The following PCDH11X variants were observed in gnomAD, a reference collection of about 807,000 sequenced individuals.
PCDH11X encodes the protein protocadherin-11 X-linked.
A neutral mutation model predicts 53.3 loss-of-function variants in PCDH11X; 18 were observed. That is an observed-to-expected ratio of 0.34 (90% CI 0.23 to 0.50). The LOEUF is 0.50. PCDH11X is among the 20% of genes least tolerant of loss of function. The pLI is 0.98. For synonymous variants in PCDH11X, 279 were observed against 393.3 expected (o/e 0.71, Z 3.44); for missense variants, 570 against 1,032.4 (o/e 0.55, Z 6.14).
chrX:92,550,939 T>G (rs5942298), intron 10 of PCDH11X, among the ~76,000 whole-genome samples: 43,677 of 108,609 alleles, frequency 0.4, 6,707 homozygotes, highest in Non-Finnish European at 0.47. Flanking sequence ...TATGGCTAAA[T>G]AGTACTCCAT....
chrX:91,818,368 G>T (rs1444483527), intron 4 of PCDH11X, among the ~76,000 whole-genome samples: 4 of 102,813 alleles, frequency 3.9e-5, no homozygotes, highest in African/African-American at 1.3e-4. Flanking sequence ...AATGCATGAA[G>T]AATTTTTTTT....
rs776806402 is a variant in PCDH11X, at chrX:92,557,999, AT to A, written c.3368-60264del. Among the ~76,000 whole-genome samples, 4 of 111,007 alleles carry A rather than the reference AT, an allele frequency of 3.6e-5. No individual in the cohort carries two copies. In the South Asian group the frequency reaches 1.5e-3, roughly 43 times the overall value. ...CTGAGCAAAGGGGGAAAAGCCCTTT[AT>A]AATACCATCAGATCTTGTGAGAACT... On this transcript the variant is annotated intron_variant, in intron 10 of 10. Transcript: ENST00000682573.
At chrX:92,379,216 G>A (rs1949905448) in intron 8 of PCDH11X, among the ~76,000 whole-genome samples, 1 of 113,046 alleles carries the variant, frequency 8.8e-6, no homozygotes, top group African/African-American at 3.2e-5. Context: ...GGGGACCCAG[G>A]AAGCCCTCCT....
At position 92,249,892 on chromosome X, in the gene PCDH11X, G is replaced by A. The variant is rs754765560; in HGVS notation, c.3115-13222G>A. On this transcript the variant is annotated intron_variant, in intron 7 of 10. Transcript: ENST00000682573. ...CTCCTAATTTCCTTAGTCCTTGTCC[G>A]GTAACTGCAATATCATCGTCCCATG... 1.3e-4 allele frequency among the ~76,000 whole-genome samples: 15 copies of A among 111,271 alleles called. No homozygotes were observed. In the South Asian group the frequency reaches 5.6e-3, roughly 42 times the overall value.
At chrX:91,866,044 G>A (rs2147700986) in intron 5 of PCDH11X, among the ~76,000 whole-genome samples, 1 of 109,830 alleles carries the variant, frequency 9.1e-6, no homozygotes, top group South Asian at 4.0e-4. Context: ...TGTCATCTGG[G>A]AGCTAGGGCC....
chrX:91,908,798 CTG>C (rs772594660), intron 6 of PCDH11X, among the ~76,000 whole-genome samples: 67 of 74,877 alleles, frequency 8.9e-4, no homozygotes, highest in African/African-American at 3.0e-3. Flanking sequence ...GAGTGAGACT[CTG>C]TCTCAAAAAA....
rs769171909 is a variant in PCDH11X at position 92,295,721 on chromosome X, G to T, written c.3144+32578G>T. ...AATATTATCCCCATAAAAGCATGCT[G>T]GATTTTGACAGGTGTGTTTGTGTGT... is the stretch of plus-strand genomic sequence containing the variant. On this transcript the variant is annotated intron_variant, in intron 8 of 10. Coordinates refer to ENST00000682573, the MANE Select transcript of PCDH11X (RefSeq NM_032968.5). Among the ~76,000 whole-genome samples, 71 of 82,652 alleles carry T rather than the reference G, an allele frequency of 8.6e-4. No homozygotes were observed. In the South Asian group the frequency reaches 9.3e-3, roughly 11 times the overall value. The allele number at this position is 82,652 out of a possible 115,157, so 71.8% of individuals were successfully genotyped here. A position where few individuals can be genotyped will look rare whatever the true frequency, so the allele number is the denominator to read the frequency against.
chrX:91,840,391 C>T (rs983156452), intron 5 of PCDH11X, among the ~76,000 whole-genome samples: 1 of 111,323 alleles, frequency 9.0e-6, no homozygotes, highest in Non-Finnish European at 1.9e-5. Flanking sequence ...TGATCCTACT[C>T]AAGGCCTTCC....
chrX:91,997,770 AAG>A (rs1445214780), intron 6 of PCDH11X, among the ~76,000 whole-genome samples: 1 of 111,214 alleles, frequency 9.0e-6, no homozygotes, highest in Non-Finnish European at 1.9e-5. Flanking sequence ...CAGTTTTTAA[AAG>A]AGTTTGTGAG....
At position 92,499,636 on chromosome X, in the gene PCDH11X, C is replaced by CA. The variant is rs57761605; in HGVS notation, c.3367+31359dup. On this transcript the variant is annotated intron_variant, in intron 10 of 10. Transcript: ENST00000682573. ...GCATCATAGTAAAACCCTGTCTCTA[C>CA]AAAAAAAAAAAAAAAAAAAAAAAAA... Among the ~76,000 whole-genome samples, 8 of 17,277 alleles carry CA rather than the reference C, an allele frequency of 4.6e-4. 2 individuals are homozygous for CA. The highest frequency in any genetic ancestry group is 4.6e-4 in the Non-Finnish European group (5 of 10,833). 15.0% of individuals were successfully genotyped at this position (17,277 alleles called of 115,157 possible).
Position 91,997,384 on chromosome X carries a change from C to T in PCDH11X, c.3033+118111C>T, listed in dbSNP as rs928172834. Among the ~76,000 whole-genome samples the T allele has an allele frequency of 1.4e-4, 16 of 110,897 alleles. 1 individual carries two copies. In the Admixed American group the frequency reaches 1.5e-3, roughly 11 times the overall value. On this transcript the variant is annotated intron_variant, in intron 6 of 10. Coordinates refer to ENST00000682573, the MANE Select transcript of PCDH11X (RefSeq NM_032968.5). The stretch of plus-strand genomic sequence containing the variant: ...AAGATTCTTATTATGTTATGTTGAG[C>T]TATGTTCCTTCTATATCTAATTTAT...
At chrX:91,972,715 C>A (rs770294230) in intron 6 of PCDH11X, among the ~76,000 whole-genome samples, 2,342 of 108,004 alleles carry the variant, frequency 0.022, 60 homozygotes, top group African/African-American at 0.074. Context: ...AATCCTTTCC[C>A]CATTGCTTGT....
chrX:91,936,035 G>C (rs1300794018), intron 6 of PCDH11X, among the ~76,000 whole-genome samples: 1 of 104,601 alleles, frequency 9.6e-6, no homozygotes, highest in Non-Finnish European at 2.0e-5. Flanking sequence ...TGTTGGCAGG[G>C]TATAATGAAG....
At chrX:92,542,725 T>C (rs2074778702) in intron 10 of PCDH11X, among the ~76,000 whole-genome samples, 1 of 111,479 alleles carries the variant, frequency 9.0e-6, no homozygotes, top group African/African-American at 3.2e-5. Context: ...AATTTTTACC[T>C]TTAAAAAAGA....
intron 6 of PCDH11X, among the ~76,000 whole-genome samples, chrX:91,955,493 ACTT>A (rs2061696159): frequency 9.1e-6 from 1 of 110,073 alleles, no homozygotes; most frequent in African/African-American, 3.3e-5. Flanking sequence ...GTTTCAAAGA[ACTT>A]CTTGATTTCT....
intron 10 of PCDH11X, among the ~76,000 whole-genome samples, chrX:92,495,526 G>A (rs1303808874): frequency 5.5e-5 from 6 of 109,578 alleles, no homozygotes; most frequent in Non-Finnish European, 1.1e-4. Context: ...GTATTTTAAC[G>A]AGTTTATTGA....
At chrX:92,270,223 G>A (rs6652633) in intron 8 of PCDH11X, among the ~76,000 whole-genome samples, 6 of 107,252 alleles carry the variant, frequency 5.6e-5, no homozygotes, top group Admixed American at 2.0e-4. Flanking sequence ...ATTCTCTTGC[G>A]TCAGGCTCCT....
rs1226817051 is a variant in PCDH11X, at chrX:92,124,305, G to A, written c.3034-77070G>A. On this transcript the variant is annotated intron_variant, in intron 6 of 10. Coordinates refer to ENST00000682573, the MANE Select transcript of PCDH11X (RefSeq NM_032968.5). Reference sequence around the variant, plus strand: ...CTCACACTTGCAATCCCAGCACTTTGGGAGGCTGAGGCGGGCGGATCACCT... The same window carrying A: ...CTCACACTTGCAATCCCAGCACTTTAGGAGGCTGAGGCGGGCGGATCACCT... 2.7e-5 allele frequency among the ~76,000 whole-genome samples: 3 copies of A among 110,463 alleles called. No individual in the cohort carries two copies. The East Asian group carries it at 8.5e-4, about 31-fold the overall frequency.
chrX:92,245,456 A>T (rs2148390270), intron 7 of PCDH11X, among the ~76,000 whole-genome samples: 1 of 112,743 alleles, frequency 8.9e-6, no homozygotes, highest in African/African-American at 3.2e-5. Flanking sequence ...ACCTCTATTA[A>T]TGAAGAAAAA....
Sources: allele counts gnomAD v4.1 joint callset (sites outside exome capture counted in the v4.1 genomes callset), GRCh38; gene constraint gnomAD v4.1.1; transcripts MANE v1.5; gene names NCBI Gene and HGNC (gene_info 2026-07-23, HGNC 2026-07-21).